ADGRV1: variants seen among roughly 807,000 people sequenced by gnomAD.
ADGRV1 encodes adhesion G protein-coupled receptor V1.
In ADGRV1, 359 loss-of-function variants were observed where a neutral mutation model predicts 596.2. The observed-to-expected ratio is 0.60, with a 90% CI of 0.55 to 0.66. ADGRV1 has a LOEUF of 0.66. Ranked by LOEUF, ADGRV1 falls within the 30% of genes least tolerant of loss-of-function variation. The probability of loss-of-function intolerance (pLI) is 0.00; values close to 1 mark genes in which losing one functional copy is unlikely to be tolerated. For missense variants in ADGRV1, 7,274 were observed against 7,575.6 expected (o/e 0.96, Z 1.48); for synonymous variants, 2,681 against 2,679.2 (o/e 1.00, Z -0.02).
intron 38 of ADGRV1, among the ~76,000 whole-genome samples, chr5:90,706,782 A>G (rs1375948944): frequency 1.3e-5 from 2 of 150,848 alleles, no homozygotes; most frequent in African/African-American, 2.4e-5. Context: ...GACACTCTAC[A>G]ATTATAATAC....
chr5:90,821,617 T>C (rs2150288505), intron 75 of ADGRV1, among the ~76,000 whole-genome samples: 1 of 150,948 alleles, frequency 6.6e-6, no homozygotes, highest in East Asian at 1.9e-4. Context: ...TTTCTGTTTG[T>C]TAGTTTTCCT....
chr5:90,951,541 C>A (rs934842022), intron 83 of ADGRV1, among the ~76,000 whole-genome samples: 1 of 152,068 alleles, frequency 6.6e-6, no homozygotes, highest in Non-Finnish European at 1.5e-5. Context: ...TACATTAATG[C>A]AATTTCTGTT....
intron 86 of ADGRV1, among the ~76,000 whole-genome samples, chr5:91,080,699 C>CA (rs1370796491): frequency 1.3e-5 from 2 of 151,522 alleles, no homozygotes; most frequent in South Asian, 2.1e-4. Context: ...TTTATGGTAC[C>CA]AAAACATCCC....
rs762795086 is a variant in ADGRV1, at chr5:90,692,636, G to T, written c.6983G>T (p.Gly2328Val). ...VIQVQLTDAS[G>V]GGTIGLDRIA... is the part of the protein sequence containing the mutation. ...CAAGTGCAACTAACTGATGCCTCTG[G>T]TGGAGGTACTATTGGGTTAGATCGA... Residue 2328 changes from glycine (G) to valine (V), a missense_variant, in exon 32 of 90, where the codon GGT (glycine) becomes GTT (valine). Gly to Val is a moderately radical substitution (Grantham distance 109). Coordinates refer to ENST00000405460, the MANE Select transcript of ADGRV1 (RefSeq NM_032119.4). 66 of 1,610,532 alleles carry T rather than the reference G, an allele frequency of 4.1e-5. No homozygotes were observed. Among genetic ancestry groups the T allele is most frequent in the Middle Eastern group, 3.3e-4 (2 of 6,078 alleles).
At chr5:91,021,754 G>A (rs1028248146) in intron 85 of ADGRV1, among the ~76,000 whole-genome samples, 4 of 152,024 alleles carry the variant, frequency 2.6e-5, no homozygotes, top group African/African-American at 9.7e-5. Context: ...AGTGATCCTT[G>A]TCCTGGCTTT....
intron 87 of ADGRV1, among the ~76,000 whole-genome samples, chr5:91,132,950 G>A (rs1794332692): frequency 6.6e-6 from 1 of 152,160 alleles, no homozygotes. Flanking sequence ...TAAGATTTAG[G>A]TCTTTATCTT....
chr5:90,632,559 G>A (rs1029439822), intron 9 of ADGRV1, among the ~76,000 whole-genome samples: 1 of 152,072 alleles, frequency 6.6e-6, no homozygotes, highest in African/African-American at 2.4e-5. Context: ...CCAAGTAACT[G>A]CAGAGAATTC....
In ADGRV1 at chr5:90,757,239, A is replaced by G. The variant is rs2443065; in HGVS notation, c.11940+78A>G. On this transcript the variant is annotated intron_variant, in intron 57 of 89. Coordinates refer to ENST00000405460, the MANE Select transcript of ADGRV1 (RefSeq NM_032119.4). The stretch of plus-strand genomic sequence containing the variant: ...GTAGGCATCCATCAAATGAATGTAC[A>G]TTGGTGATTGCTAAATGCATTATAC... 490,758 of 1,133,038 alleles carry G rather than the reference A, an allele frequency of 0.43. 109,495 individuals are homozygous for G. The highest frequency in any genetic ancestry group is 0.6 in the Admixed American group (31,664 of 52,704). The allele number at this position is 1,133,038 out of a possible 1,614,324, so 70.2% of individuals were successfully genotyped here. A position where few individuals can be genotyped will look rare whatever the true frequency, so the allele number is the denominator to read the frequency against.
chr5:90,692,704 A>C lies in ADGRV1; in HGVS notation c.7051A>C (p.Thr2351Pro). ...IIPANDDPYG[T>P]VAFAQMVYRV... ...TCCTGCCAATGATGATCCTTATGGT[A>C]CAGTAGCCTTTGCTCAGATGGTTTA... The change falls in exon 32 of 90, where the codon ACA becomes CCA. Residue 2351 changes from threonine to proline, a missense_variant. This residue lies in a region of ADGRV1 where 3,643 missense variants were observed against 3,809.2 expected (regional missense o/e 0.96). Transcript: ENST00000405460. 1 of 1,610,780 alleles carries C rather than the reference A, an allele frequency of 6.2e-7. No individual in the cohort carries two copies. The highest frequency in any genetic ancestry group is 8.5e-7 in the Non-Finnish European group (1 of 1,178,494).
intron 87 of ADGRV1, among the ~76,000 whole-genome samples, chr5:91,107,356 G>T (rs1303803457): frequency 6.6e-6 from 1 of 152,204 alleles, no homozygotes; most frequent in African/African-American, 2.4e-5. Flanking sequence ...CAAGATCATG[G>T]ACGAGGCAGG....
intron 87 of ADGRV1, among the ~76,000 whole-genome samples, chr5:91,148,857 A>G (rs190996941): frequency 6.6e-6 from 1 of 152,332 alleles, no homozygotes; most frequent in Admixed American, 6.5e-5. Flanking sequence ...GCGGGAACCC[A>G]CCTCTTGCAT....
chr5:90,658,191 G>GGAA lies in ADGRV1; in HGVS notation c.4669_4671dup (p.Glu1557dup). ...CTGTATATGGAGGAGCTCGTATTTC[G>GGAA]GAAGAAAATACTACTGCAAGATTAA... On this transcript the variant is annotated inframe_insertion, in exon 21 of 90. Transcript: ENST00000405460. 6.3e-7 allele frequency: 1 copy of GGAA among 1,583,984 alleles called. No individual in the cohort carries two copies. Among genetic ancestry groups the GGAA allele is most frequent in the Non-Finnish European group, 8.6e-7 (1 of 1,163,642 alleles).
intron 83 of ADGRV1, among the ~76,000 whole-genome samples, chr5:90,951,911 T>C (rs775356077): frequency 1.3e-5 from 2 of 152,186 alleles, no homozygotes; most frequent in Non-Finnish European, 2.9e-5. Flanking sequence ...TATAAAGCTA[T>C]ATTAATTTTT....
chr5:90,616,095 G>A (rs1763331093), intron 2 of ADGRV1, among the ~76,000 whole-genome samples: 1 of 151,902 alleles, frequency 6.6e-6, no homozygotes, highest in Non-Finnish European at 1.5e-5. Context: ...ATTTTCTATA[G>A]TAAGGTATAT....
Position 91,062,012 on chromosome 5 carries a change from G to A in ADGRV1, c.18153-10435G>A, listed in dbSNP as rs986168839. On this transcript the variant is annotated intron_variant, in intron 85 of 89. Coordinates refer to ENST00000405460, the MANE Select transcript of ADGRV1 (RefSeq NM_032119.4). ...ATAGCAGTATACCACAGGCATTCCC[G>A]TGGATATTCAAAAGTGGTACAGTTG... 7.9e-5 allele frequency among the ~76,000 whole-genome samples: 12 copies of A among 152,144 alleles called. No individual in the cohort carries two copies. The South Asian group carries it at 1.0e-3, about 13-fold the overall frequency.
chr5:90,710,864 G>T, intron 39 of ADGRV1, 117 bp from the exon 40 acceptor site: 1 of 607,726 alleles, frequency 1.6e-6, no homozygotes, highest in Non-Finnish European at 2.9e-6. Flanking sequence ...GAGTAATGTT[G>T]ATAATACCTG....
chr5:91,100,983 A>G (rs1357465217), intron 86 of ADGRV1, among the ~76,000 whole-genome samples: 1 of 152,180 alleles, frequency 6.6e-6, no homozygotes, highest in African/African-American at 2.4e-5. Flanking sequence ...GGGATTAAGA[A>G]TCTACGAAGA....
At chr5:90,864,367 G>C (rs1189316001) in intron 83 of ADGRV1, among the ~76,000 whole-genome samples, 2 of 152,144 alleles carry the variant, frequency 1.3e-5, no homozygotes, top group African/African-American at 2.4e-5. Flanking sequence ...ACAATTTAAA[G>C]TATCTAGTTT....
chr5:90,915,303 C>T (rs992071139), intron 83 of ADGRV1, among the ~76,000 whole-genome samples: 1 of 152,056 alleles, frequency 6.6e-6, no homozygotes, highest in African/African-American at 2.4e-5. Flanking sequence ...TTAAAATGAT[C>T]AGTAATCTGG....
Sources: allele counts gnomAD v4.1 joint callset (sites outside exome capture counted in the v4.1 genomes callset), GRCh38; gene constraint gnomAD v4.1.1; regional missense constraint gnomAD v4.1.1; transcripts MANE v1.5; gene names NCBI Gene and HGNC (gene_info 2026-07-23, HGNC 2026-07-21).